LAMA3: variants seen among roughly 807,000 people sequenced by gnomAD.
LAMA3 encodes laminin subunit alpha-3.
Under a neutral mutation model 402.0 loss-of-function variants are expected in LAMA3, and 281 were observed. That is an observed-to-expected ratio of 0.70 (90% CI 0.63 to 0.77). The LOEUF (loss-of-function observed/expected upper bound fraction) is 0.77. Among genes scored for constraint, LAMA3 ranks in the 30% least tolerant of loss-of-function variants. The probability of loss-of-function intolerance (pLI) is 0.00; values close to 1 mark genes in which losing one functional copy is unlikely to be tolerated. For synonymous variants in LAMA3, 1,431 were observed against 1,558.4 expected (o/e 0.92, Z 1.93); for missense variants, 3,840 against 4,215.5 (o/e 0.91, Z 2.47).
At chr18:23,798,583 G>A (rs565164166) in intron 12 of LAMA3, among the ~76,000 whole-genome samples, 56 of 152,292 alleles carry the variant, frequency 3.7e-4, no homozygotes, top group South Asian at 3.5e-3. Flanking sequence ...AGACCACTGG[G>A]CTGGCAGTGG....
chr18:23,840,036 C>G (rs1409044468), intron 27 of LAMA3, 107 bp downstream of exon 27: 5 of 1,212,752 alleles, frequency 4.1e-6, no homozygotes, highest in Admixed American at 1.9e-5. Context: ...AGACCCACTA[C>G]AGACCTACTG....
At chr18:23,907,973 C>T (rs1419096503) in intron 54 of LAMA3, 38 bp downstream of exon 54, 1 of 1,592,350 alleles carries the variant, frequency 6.3e-7, no homozygotes, top group Non-Finnish European at 8.6e-7. Context: ...CTTAGCCATT[C>T]TCTCCATTGT....
chr18:23,703,770 C>T (rs893350579), intron 1 of LAMA3, among the ~76,000 whole-genome samples: 1 of 152,156 alleles, frequency 6.6e-6, no homozygotes, highest in Non-Finnish European at 1.5e-5. Context: ...CATCTTCCAC[C>T]CCCTGGTGCC....
intron 8 of LAMA3, among the ~76,000 whole-genome samples, chr18:23,764,745 T>A (rs1389729649): frequency 6.6e-6 from 1 of 152,190 alleles, no homozygotes; most frequent in Non-Finnish European, 1.5e-5. Context: ...AAAATAGACA[T>A]AACATAAAAT....
chr18:23,891,764 G>A (rs1424940281), intron 42 of LAMA3, among the ~76,000 whole-genome samples: 1 of 152,236 alleles, frequency 6.6e-6, no homozygotes, highest in Non-Finnish European at 1.5e-5. Flanking sequence ...GTGCAGGGTA[G>A]GTTAGAGTGT....
At chr18:23,764,392 T>C (rs1423588540) in intron 8 of LAMA3, among the ~76,000 whole-genome samples, 1 of 152,180 alleles carries the variant, frequency 6.6e-6, no homozygotes, top group African/African-American at 2.4e-5. Context: ...TTCAAGTGAT[T>C]TGTGTGCATA....
rs576943386 is a variant in LAMA3, at chr18:23,936,656, A to G, written c.8863-2567A>G. Among the ~76,000 whole-genome samples, 45 of 152,286 alleles carry G rather than the reference A, an allele frequency of 3.0e-4. 2 individuals are homozygous for G. The highest frequency in any genetic ancestry group is 2.7e-3 in the South Asian group (13 of 4,826). On this transcript the variant is annotated intron_variant, in intron 67 of 74. Transcript: ENST00000313654. ...TGATAAAGAATTCCATGTTAGCACAAAGAGAAACCCAGGCAGAATCCATGC... is the reference window on the plus strand; with the variant it reads ...TGATAAAGAATTCCATGTTAGCACAGAGAGAAACCCAGGCAGAATCCATGC...
chr18:23,796,364 G>A (rs574985168), intron 12 of LAMA3, among the ~76,000 whole-genome samples: 24 of 152,250 alleles, frequency 1.6e-4, no homozygotes, highest in Non-Finnish European at 2.9e-4. Flanking sequence ...ACTAGAAGTG[G>A]GGTCAACACC....
intron 67 of LAMA3, among the ~76,000 whole-genome samples, chr18:23,937,181 C>T (rs1380521563): frequency 6.6e-6 from 1 of 152,012 alleles, no homozygotes; most frequent in African/African-American, 2.4e-5. Context: ...GCCTGGCCAA[C>T]ATGGTGAAAC....
chr18:23,858,871 G>A lies in LAMA3; in HGVS notation c.4422+42G>A, dbSNP rs764109628. 5.6e-6 allele frequency: 9 copies of A among 1,601,382 alleles called. No individual in the cohort carries two copies. In the South Asian group the frequency reaches 9.9e-5, roughly 18 times the overall value. Reference sequence around the variant, plus strand: ...AGTGCTGGGGAACATTTTGTACATGGATTTGTTAAATGATAAGCATATCCC... The same window carrying A: ...AGTGCTGGGGAACATTTTGTACATGAATTTGTTAAATGATAAGCATATCCC... On this transcript the variant is annotated intron_variant, in intron 34 of 74. Coordinates refer to ENST00000313654, the MANE Select transcript of LAMA3 (RefSeq NM_198129.4).
chr18:23,879,400 T>C lies in LAMA3; in HGVS notation c.5113-2536T>C, dbSNP rs1318155439. Among the ~76,000 whole-genome samples the C allele has an allele frequency of 6.6e-6, 1 of 152,230 alleles. No homozygotes were observed. Among genetic ancestry groups the C allele is most frequent in the African/African-American group, 2.4e-5 (1 of 41,464 alleles). Reference sequence around the variant, plus strand: ...CTCACTTCTGCGCTCAGTGAATCCCTGTCCTTCTGCGGCCCTCGCAGGCAG... The same window carrying C: ...CTCACTTCTGCGCTCAGTGAATCCCCGTCCTTCTGCGGCCCTCGCAGGCAG... On this transcript the variant is annotated intron_variant, in intron 39 of 74. Transcript: ENST00000313654. The surrounding 1 kb of genome is among the most constrained non-coding windows in gnomAD (Gnocchi z 4.2).
Position 23,952,897 on chromosome 18 carries a change from G to A in LAMA3, c.9737-93G>A, listed in dbSNP as rs1179300374. On this transcript the variant is annotated intron_variant, in intron 73 of 74. Coordinates refer to ENST00000313654, the MANE Select transcript of LAMA3 (RefSeq NM_198129.4). ...ATTTCTGCAAACAGCACTCCCACAG[G>A]TCTAGTATGAAGGAGTTAAAACAAA... 1.4e-5 allele frequency: 22 copies of A among 1,550,280 alleles called. No individual in the cohort carries two copies. In the Admixed American group the frequency reaches 2.3e-4, roughly 17 times the overall value.
intron 2 of LAMA3, among the ~76,000 whole-genome samples, chr18:23,732,541 C>T (rs187120593): frequency 1.6e-3 from 251 of 152,220 alleles, no homozygotes; most frequent in African/African-American, 5.8e-3. Flanking sequence ...AGCAATCCCT[C>T]GCGGAACCAC....
Position 23,824,580 on chromosome 18 carries a change from T to G in LAMA3, c.2571+15T>G. The G allele has an allele frequency of 6.2e-6, 10 of 1,613,668 alleles. No homozygotes were observed. The highest frequency in any genetic ancestry group is 8.5e-6 in the Non-Finnish European group (10 of 1,179,626). On this transcript the variant is annotated intron_variant, in intron 21 of 74. Transcript: ENST00000313654. ...GAGTCCTTCTGGTAAGACTTAGTTCTGAATGGAGAGCTCCTGCGGGATTCT... is the reference window on the plus strand; with the variant it reads ...GAGTCCTTCTGGTAAGACTTAGTTCGGAATGGAGAGCTCCTGCGGGATTCT...
chr18:23,713,943 T>A lies in LAMA3; in HGVS notation c.318T>A (p.Asn106Lys), dbSNP rs1568105124. 6.2e-7 allele frequency: 1 copy of A among 1,613,812 alleles called. No individual in the cohort carries two copies. The highest frequency in any genetic ancestry group is 1.3e-5 in the African/African-American group (1 of 74,942). The part of the protein sequence containing the change: ...TIQGQFCDYC[N>K]SEDPRKAHPV... Reference sequence around the variant, plus strand: ...AGGGCCAGTTCTGTGACTATTGCAATTCTGAAGACCCCAGGAAAGCACATC... The same window carrying A: ...AGGGCCAGTTCTGTGACTATTGCAAATCTGAAGACCCCAGGAAAGCACATC... The change falls in exon 2 of 75, where the codon AAT becomes AAA. Residue 106 changes from asparagine (N) to lysine (K), a missense_variant. Asn to Lys is a moderately conservative substitution (Grantham distance 94). This residue lies in a region of LAMA3 where 2,109 missense variants were observed against 2,376.0 expected (regional missense o/e 0.89). Coordinates refer to ENST00000313654, the MANE Select transcript of LAMA3 (RefSeq NM_198129.4).
intron 11 of LAMA3, among the ~76,000 whole-genome samples, chr18:23,781,020 C>T (rs1245748618): frequency 6.6e-6 from 1 of 152,172 alleles, no homozygotes; most frequent in East Asian, 1.9e-4. Context: ...AGGTCTGGAA[C>T]TCTGGCAGTA....
rs768021480 is a variant in LAMA3, at chr18:23,689,757, T to C, written c.74T>C (p.Val25Ala). 2.6e-6 allele frequency: 4 copies of C among 1,521,800 alleles called. No homozygotes were observed. Among genetic ancestry groups the C allele is most frequent in the Non-Finnish European group, 3.5e-6 (4 of 1,137,690 alleles). The allele number at this position is 1,521,800 out of a possible 1,614,324, so 94.3% of individuals were successfully genotyped here. A position where few individuals can be genotyped will look rare whatever the true frequency, so the allele number is the denominator to read the frequency against. ...CCGCCGACGCCGCTGCTCCTGCTGGTACTGCGGGTGCTGCCAGCCTGCGGG... is the reference window on the plus strand; with the variant it reads ...CCGCCGACGCCGCTGCTCCTGCTGGCACTGCGGGTGCTGCCAGCCTGCGGG... ...VLPPTPLLLL[V>A]LRVLPACGAT... The change falls in exon 1 of 75, where the codon GTA (valine) becomes GCA (alanine). Residue 25 changes from valine to alanine, a missense_variant. Val to Ala is a moderately conservative substitution (Grantham distance 64, BLOSUM62 0). Transcript: ENST00000313654.
At chr18:23,923,568 T>G (rs953650158) in intron 62 of LAMA3, among the ~76,000 whole-genome samples, 2 of 152,120 alleles carry the variant, frequency 1.3e-5, no homozygotes, top group Non-Finnish European at 2.9e-5. Context: ...GGTGAGAAGT[T>G]AAGTCTGAGA....
chr18:23,720,144 A>G (rs1205417016), intron 2 of LAMA3, among the ~76,000 whole-genome samples: 1 of 152,176 alleles, frequency 6.6e-6, no homozygotes, highest in Non-Finnish European at 1.5e-5. Context: ...TTCCCAGGGT[A>G]TAGTAGTAAT....
Sources: gnomAD v4.1 joint callset for allele counts (sites outside exome capture counted in the v4.1 genomes callset) on GRCh38, gnomAD v4.1.1 for gene constraint, gnomAD v4.1.1 regional missense constraint, Gnocchi (gnomAD v3.1) non-coding constraint, MANE v1.5 for transcripts, NCBI Gene and HGNC (gene_info 2026-07-23, HGNC 2026-07-21) for gene names.